Variants in SARM1 observed in about 807,000 individuals in gnomAD.
The protein encoded by SARM1 is NAD(+) hydrolase SARM1.
In SARM1, 60 loss-of-function variants were observed where a neutral mutation model predicts 65.1. That is an observed-to-expected ratio of 0.92 (90% CI 0.75 to 1.14). The LOEUF (loss-of-function observed/expected upper bound fraction) is 1.14, where lower values mean the gene tolerates loss of function less well. Ranked by LOEUF, SARM1 falls within the 50% of genes most tolerant of loss-of-function variation. The pLI, the probability that SARM1 is intolerant of heterozygous loss-of-function variation, is 0.00. For missense variants in SARM1, 913 were observed against 1,015.7 expected (o/e 0.90, Z 1.37); for synonymous variants, 417 against 465.4 (o/e 0.90, Z 1.34).
rs782316541 is a variant in SARM1 at position 28,399,552 on chromosome 17, C to T, written c.*3266C>T. 8.3e-7 allele frequency: 1 copy of T among 1,210,590 alleles called. No individual in the cohort carries two copies. The highest frequency in any genetic ancestry group is 1.2e-6 in the Non-Finnish European group (1 of 829,018). 75.0% of individuals were successfully genotyped at this position (1,210,590 alleles called of 1,614,324 possible). ...GTCCAAAGAGAGCACTGCCCTTAGA[C>T]AAGAGTTGCTTGTCCTGCTGTGGGC... On this transcript the variant is annotated 3_prime_UTR_variant, in exon 9 of 9. Coordinates refer to ENST00000585482, the MANE Select transcript of SARM1 (RefSeq NM_015077.4).
At chr17:28,380,057 C>CTTTTTTT (rs61029083) in intron 1 of SARM1, among the ~76,000 whole-genome samples, 11 of 106,098 alleles carry the variant, frequency 1.0e-4, no homozygotes, top group African/African-American at 3.0e-4. Context: ...TTTTTCTTTT[C>CTTTTTTT]TTTTTTTTTT....
In SARM1 at chr17:28,372,832, AAGCCCAC is replaced by A. The variant is rs547843175; in HGVS notation, c.470+334_470+340del. On this transcript the variant is annotated intron_variant, in intron 1 of 8. Coordinates refer to ENST00000585482, the MANE Select transcript of SARM1 (RefSeq NM_015077.4). The surrounding 1 kb of genome is among the most constrained non-coding windows in gnomAD (Gnocchi z 5.2). ...CAATTCTCCCTCTCCCCCGCCCCCC[AAGCCCAC>A]AGCTCTCCTTCCCACCGGCTTGGGT... Among the ~76,000 whole-genome samples, 121 of 152,140 alleles carry A rather than the reference AAGCCCAC, an allele frequency of 8.0e-4. 1 individual carries two copies. The highest frequency in any genetic ancestry group is 2.8e-3 in the African/African-American group (118 of 41,522).
chr17:28,394,164 G>C (rs1216557080), intron 7 of SARM1, among the ~76,000 whole-genome samples: 1 of 152,182 alleles, frequency 6.6e-6, no homozygotes, highest in Non-Finnish European at 1.5e-5. Context: ...TTTTAAGTAG[G>C]GGGTGACAGG....
In SARM1 at chr17:28,400,555, A is replaced by C; in HGVS notation, c.*4269A>C. 6.3e-7 allele frequency: 1 copy of C among 1,599,002 alleles called. No homozygotes were observed. Among genetic ancestry groups the C allele is most frequent in the South Asian group, 1.1e-5 (1 of 89,166 alleles). ...CATTTCTGGTTGGGAGGAGAAGAGG[A>C]AACTTTTAAGAGAAAGGGCTCCATT... On this transcript the variant is annotated 3_prime_UTR_variant, in exon 9 of 9. Transcript: ENST00000585482.
rs1461380950 is a variant in SARM1 at position 28,400,396 on chromosome 17, C to T, written c.*4110C>T. The T allele has an allele frequency of 1.7e-6, 1 of 577,342 alleles. No homozygotes were observed. The highest frequency in any genetic ancestry group is 3.0e-6 in the Non-Finnish European group (1 of 329,098). The allele number at this position is 577,342 out of a possible 1,614,324, so 35.8% of individuals were successfully genotyped here. On this transcript the variant is annotated 3_prime_UTR_variant, in exon 9 of 9. Coordinates refer to ENST00000585482, the MANE Select transcript of SARM1 (RefSeq NM_015077.4). ...AGCCTTGCCAAGCAGCAATGTTAGC[C>T]TGATCCTTCCTCCACCTAGCTCGCC...
chr17:28,388,460 G>A lies in SARM1; in HGVS notation c.1844G>A (p.Arg615His), dbSNP rs782753946. ...CTCATCCAGAGTGTCATGGGTGCCC[G>A]CAACTTTGTGTTGGTGCTATCACCT... ...DKLIQSVMGA[R>H]NFVLVLSPGA... Residue 615 changes from arginine to histidine, a missense_variant, in exon 7 of 9, where the codon CGC becomes CAC. Arg to His is a conservative substitution (Grantham distance 29, BLOSUM62 0). Transcript: ENST00000585482. 3.7e-5 allele frequency: 59 copies of A among 1,613,836 alleles called. No individual in the cohort carries two copies. Among genetic ancestry groups the A allele is most frequent in the Admixed American group, 1.2e-4 (7 of 60,012 alleles).
rs1187914889 is a variant in SARM1, at chr17:28,384,129, G to A, written c.1090-228G>A. 3.9e-5 allele frequency among the ~76,000 whole-genome samples: 6 copies of A among 152,150 alleles called. No homozygotes were observed. ...ATGCTGTAGAAGGGATATAAAGGAG[G>A]GATAGGCCCCTCCGCCCCCAACCCA... On this transcript the variant is annotated intron_variant, in intron 2 of 8. Coordinates refer to ENST00000585482, the MANE Select transcript of SARM1 (RefSeq NM_015077.4). This position sits in a 1 kb window ranked among gnomAD's most constrained non-coding sequence, Gnocchi z 4.4.
Position 28,384,325 on chromosome 17 carries a change from G to T in SARM1, c.1090-32G>T, listed in dbSNP as rs781954125. 15 of 1,519,102 alleles carry T rather than the reference G, an allele frequency of 9.9e-6. No homozygotes were observed. The highest frequency in any genetic ancestry group is 1.3e-5 in the Non-Finnish European group (15 of 1,127,312). 94.1% of individuals were successfully genotyped at this position (1,519,102 alleles called of 1,614,324 possible). ...GTGGGAGCACCTGGAGAGCTGGTGGGACCTACAGCCCTCTCCCCACTCCCT... is the reference window on the plus strand; with the variant it reads ...GTGGGAGCACCTGGAGAGCTGGTGGTACCTACAGCCCTCTCCCCACTCCCT... On this transcript the variant is annotated intron_variant, in intron 2 of 8. Coordinates refer to ENST00000585482, the MANE Select transcript of SARM1 (RefSeq NM_015077.4). This position sits in a 1 kb window ranked among gnomAD's most constrained non-coding sequence, Gnocchi z 4.4.
chr17:28,375,355 T>G (rs879991597), intron 1 of SARM1, among the ~76,000 whole-genome samples: 1 of 20,742 alleles, frequency 4.8e-5, no homozygotes, highest in Non-Finnish European at 8.5e-5. Context: ...CCCAGCACTT[T>G]GGGAGGCCCA....
chr17:28,381,519 G>T lies in SARM1; in HGVS notation c.787G>T (p.Asp263Tyr). Residue 263 changes from aspartate (D) to tyrosine (Y), a missense_variant, in exon 2 of 9, where the codon GAC becomes TAC. Transcript: ENST00000585482. ...CTTCCCGCTCGCCTTCTCCAAGGAGGACGAGCTGCTTCGGCTGCACGCCTG... is the reference window on the plus strand; with the variant it reads ...CTTCCCGCTCGCCTTCTCCAAGGAGTACGAGCTGCTTCGGCTGCACGCCTG... Reference protein sequence around the residue: ...WLFPLAFSKEDELLRLHACLA... With the variant: ...WLFPLAFSKEYELLRLHACLA... 6.4e-7 allele frequency: 1 copy of T among 1,569,660 alleles called. No individual in the cohort carries two copies. Among genetic ancestry groups the T allele is most frequent in the Non-Finnish European group, 8.6e-7 (1 of 1,158,444 alleles).
chr17:28,387,236 C>CA (rs2068055225), intron 5 of SARM1, among the ~76,000 whole-genome samples: 1 of 139,212 alleles, frequency 7.2e-6, no homozygotes, highest in Admixed American at 7.2e-5. Flanking sequence ...CTTTTCTTTT[C>CA]TTTTTTTTTT....
intron 1 of SARM1, among the ~76,000 whole-genome samples, chr17:28,380,057 C>CTTTTTTTTTTTT (rs61029083): frequency 3.8e-5 from 4 of 106,092 alleles, no homozygotes; most frequent in African/African-American, 7.5e-5. Context: ...TTTTTCTTTT[C>CTTTTTTTTTTTT]TTTTTTTTTT....
rs782413025 is a variant in SARM1 at position 28,384,676 on chromosome 17, G to C, written c.1302+107G>C. ...ATCCCGCGGCGCCAGGGTCGCTTTT[G>C]GGGGCGGGGAGCCTGTACGCAGCCA... On this transcript the variant is annotated intron_variant, in intron 3 of 8. Coordinates refer to ENST00000585482, the MANE Select transcript of SARM1 (RefSeq NM_015077.4). The surrounding 1 kb of genome is among the most constrained non-coding windows in gnomAD (Gnocchi z 4.4). 2.8e-5 allele frequency: 36 copies of C among 1,276,610 alleles called. No individual in the cohort carries two copies. Among genetic ancestry groups the C allele is most frequent in the South Asian group, 1.9e-4 (13 of 68,956 alleles). The allele number at this position is 1,276,610 out of a possible 1,614,324, so 79.1% of individuals were successfully genotyped here.
chr17:28,373,886 C>G (rs2067972305), intron 1 of SARM1: 1 of 152,208 alleles, frequency 6.6e-6, no homozygotes, highest in Admixed American at 6.5e-5. Flanking sequence ...AACCAGTGTC[C>G]CTGGTCTCAA....
Position 28,384,356 on chromosome 17 carries a change from GGT to G in SARM1, c.1092_1093del (p.Phe365GlnfsTer21). On this transcript the variant is annotated frameshift_variant and splice_region_variant, in exon 3 of 9. Transcript: ENST00000585482. LOFTEE classifies it high-confidence loss of function. The surrounding 1 kb of genome is among the most constrained non-coding windows in gnomAD (Gnocchi z 4.4). Reference sequence around the variant, plus strand: ...CAGCCCTCTCCCCACTCCCTCCCTAGGTGTTCAGCGACATCGGCGCCATCCAG... The same window carrying G: ...CAGCCCTCTCCCCACTCCCTCCCTAGGTTCAGCGACATCGGCGCCATCCAG... ...AIKSLQGKTK[V>X]FSDIGAIQSL... 1 of 1,581,302 alleles carries G rather than the reference GGT, an allele frequency of 6.3e-7. No homozygotes were observed. Among genetic ancestry groups the G allele is most frequent in the Non-Finnish European group, 8.6e-7 (1 of 1,162,426 alleles).
rs1255075992 is a variant in SARM1 at position 28,385,476 on chromosome 17, C to T, written c.1630+201C>T. 6 of 572,072 alleles carry T rather than the reference C, an allele frequency of 1.0e-5. No homozygotes were observed. The highest frequency in any genetic ancestry group is 8.9e-5 in the South Asian group (4 of 44,768). 35.4% of individuals were successfully genotyped at this position (572,072 alleles called of 1,614,324 possible). ...AAGTTCCCAGTCTGAGGTGGGTAGG[C>T]GGTGGGAGGAAGGAGGCTATTAAAC... On this transcript the variant is annotated intron_variant, in intron 5 of 8. Coordinates refer to ENST00000585482, the MANE Select transcript of SARM1 (RefSeq NM_015077.4). This position sits in a 1 kb window ranked among gnomAD's most constrained non-coding sequence, Gnocchi z 4.5.
At chr17:28,374,983 A>C (rs1041900110) in intron 1 of SARM1, among the ~76,000 whole-genome samples, 13 of 151,624 alleles carry the variant, frequency 8.6e-5, no homozygotes, top group Non-Finnish European at 1.9e-4. Flanking sequence ...AAAAAAAAAA[A>C]AAAAAAAAAA....
At chr17:28,392,926 G>T (rs1232663142) in intron 7 of SARM1, among the ~76,000 whole-genome samples, 1 of 152,138 alleles carries the variant, frequency 6.6e-6, no homozygotes, top group East Asian at 1.9e-4. Context: ...TCCTTTCCCT[G>T]AAGCCACATT....
rs913626654 is a variant in SARM1 at position 28,371,873 on chromosome 17, C to G, written c.-160C>G. On this transcript the variant is annotated 5_prime_UTR_variant, in exon 1 of 9. Coordinates refer to ENST00000585482, the MANE Select transcript of SARM1 (RefSeq NM_015077.4). ...CCCCGATCCTGCCGACACTCCTCCC[C>G]CAAACTTCTGACCGGCACCCTTGCC... The G allele has an allele frequency of 7.9e-6, 4 of 505,316 alleles. No homozygotes were observed. The South Asian group carries it at 1.3e-4, about 16-fold the overall frequency. The allele number at this position is 505,316 out of a possible 1,614,324, so 31.3% of individuals were successfully genotyped here. A position where few individuals can be genotyped will look rare whatever the true frequency, so the allele number is the denominator to read the frequency against.
Sources: allele counts gnomAD v4.1 joint callset (sites outside exome capture counted in the v4.1 genomes callset), GRCh38; gene constraint gnomAD v4.1.1; non-coding constraint Gnocchi (gnomAD v3.1); transcripts MANE v1.5; gene names NCBI Gene and HGNC (gene_info 2026-07-23, HGNC 2026-07-21).